UBASH3B: variants seen among roughly 807,000 people sequenced by gnomAD.
UBASH3B encodes ubiquitin-associated and SH3 domain-containing protein B.
Under a neutral mutation model 83.4 loss-of-function variants are expected in UBASH3B, and 37 were observed. That is an observed-to-expected ratio of 0.44 (90% CI 0.34 to 0.58). The LOEUF (loss-of-function observed/expected upper bound fraction) is 0.58. UBASH3B is among the 20% of genes least tolerant of loss of function. The pLI is 0.01. For missense variants in UBASH3B, 657 were observed against 827.2 expected (o/e 0.79, Z 2.52); for synonymous variants, 304 against 318.3 (o/e 0.96, Z 0.48).
chr11:122,658,572 C>A (rs920246746), intron 1 of UBASH3B, among the ~76,000 whole-genome samples: 41 of 152,240 alleles, frequency 2.7e-4, no homozygotes, highest in African/African-American at 9.6e-4. Flanking sequence ...AGGAAGGTAC[C>A]ACATGCCCAT....
intron 1 of UBASH3B, among the ~76,000 whole-genome samples, chr11:122,715,261 G>A (rs1435754240): frequency 5.3e-5 from 8 of 152,184 alleles, no homozygotes; most frequent in Admixed American, 5.2e-4. Context: ...AATGTTAAAT[G>A]CTGACACAGT....
intron 1 of UBASH3B, among the ~76,000 whole-genome samples, chr11:122,761,270 C>A (rs1022208632): frequency 1.7e-4 from 26 of 152,088 alleles, no homozygotes; most frequent in African/African-American, 6.0e-4. Context: ...TGTGTTTACT[C>A]ACATATTCTT....
At chr11:122,673,070 C>T (rs981258161) in intron 1 of UBASH3B, among the ~76,000 whole-genome samples, 62 of 152,206 alleles carry the variant, frequency 4.1e-4, no homozygotes, top group Non-Finnish European at 8.1e-4. Context: ...GTTGGGCAAG[C>T]GTTCACTGGC....
chr11:122,743,981 A>C (rs1239873211), intron 1 of UBASH3B, among the ~76,000 whole-genome samples: 3 of 152,286 alleles, frequency 2.0e-5, no homozygotes, highest in African/African-American at 7.2e-5. Flanking sequence ...TACCTTTCCC[A>C]CCAGAGCTGG....
At chr11:122,687,785 C>G (rs1034537074) in intron 1 of UBASH3B, among the ~76,000 whole-genome samples, 2 of 152,110 alleles carry the variant, frequency 1.3e-5, no homozygotes, top group Non-Finnish European at 2.9e-5. Context: ...TCTCCATGAT[C>G]ATCTTCTTCC....
At chr11:122,734,150 T>C (rs972534846) in intron 1 of UBASH3B, among the ~76,000 whole-genome samples, 1 of 152,214 alleles carries the variant, frequency 6.6e-6, no homozygotes, top group African/African-American at 2.4e-5. Context: ...GCCTCCAAAG[T>C]GCTGGGATTA....
intron 1 of UBASH3B, among the ~76,000 whole-genome samples, chr11:122,699,531 C>CTCTTTCTTTCTT (rs60346108): frequency 0.042 from 4,548 of 107,640 alleles, 110 homozygotes; most frequent in African/African-American, 0.064. Flanking sequence ...TTCTTTCTTT[C>CTCTTTCTTTCTT]TCTTTCTTTC....
At chr11:122,770,307 G>T (rs1251458324) in intron 1 of UBASH3B, among the ~76,000 whole-genome samples, 3 of 152,280 alleles carry the variant, frequency 2.0e-5, no homozygotes, top group Non-Finnish European at 4.4e-5. Context: ...CCTACATCTT[G>T]TCTCTTGCTT....
intron 1 of UBASH3B, among the ~76,000 whole-genome samples, chr11:122,767,616 T>C (rs1860573524): frequency 1.3e-5 from 2 of 152,130 alleles, no homozygotes; most frequent in South Asian, 4.1e-4. Flanking sequence ...CGGCCCCTTA[T>C]GCTCTTTTTG....
At chr11:122,709,952 T>C (rs570313724) in intron 1 of UBASH3B, among the ~76,000 whole-genome samples, 1 of 151,422 alleles carries the variant, frequency 6.6e-6, no homozygotes, top group Non-Finnish European at 1.5e-5. Context: ...AGGCCAGGAG[T>C]TCGAGACCGC....
intron 4 of UBASH3B, among the ~76,000 whole-genome samples, chr11:122,780,252 G>A (rs1860826478): frequency 1.3e-5 from 2 of 152,192 alleles, no homozygotes; most frequent in Non-Finnish European, 2.9e-5. Flanking sequence ...GTCTAAAAAT[G>A]TAACCCCTTC....
At chr11:122,674,243 GC>G (rs1863636839) in intron 1 of UBASH3B, among the ~76,000 whole-genome samples, 1 of 152,180 alleles carries the variant, frequency 6.6e-6, no homozygotes, top group Admixed American at 6.5e-5. Context: ...TCGAGTTGGG[GC>G]CCCTCGTTCC....
chr11:122,699,531 C>CCCTTTCTTTCTTTCTT (rs1555137139), intron 1 of UBASH3B, among the ~76,000 whole-genome samples: 2 of 107,866 alleles, frequency 1.9e-5, no homozygotes, highest in East Asian at 3.1e-4. Flanking sequence ...TTCTTTCTTT[C>CCCTTTCTTTCTTTCTT]TCTTTCTTTC....
chr11:122,772,221 G>A (rs555595531), intron 1 of UBASH3B, among the ~76,000 whole-genome samples: 28 of 152,186 alleles, frequency 1.8e-4, no homozygotes, highest in Non-Finnish European at 3.1e-4. Context: ...TGGGCCCACC[G>A]TGAGCTCTCT....
At chr11:122,672,745 G>A (rs1378301562) in intron 1 of UBASH3B, among the ~76,000 whole-genome samples, 2 of 152,166 alleles carry the variant, frequency 1.3e-5, no homozygotes, top group Admixed American at 6.5e-5. Flanking sequence ...CCTCCTCAGC[G>A]AGAGTTTTCT....
At chr11:122,705,937 T>C (rs916890454) in intron 1 of UBASH3B, among the ~76,000 whole-genome samples, 7 of 152,018 alleles carry the variant, frequency 4.6e-5, no homozygotes, top group Admixed American at 3.3e-4. Context: ...ATCACAGGTG[T>C]GGCATCCACT....
chr11:122,751,380 C>A (rs1018518451), intron 1 of UBASH3B, among the ~76,000 whole-genome samples: 1 of 152,186 alleles, frequency 6.6e-6, no homozygotes, highest in Non-Finnish European at 1.5e-5. Flanking sequence ...TGTCACACTC[C>A]TTCTCTGCCC....
chr11:122,734,227 C>A (rs1205730050), intron 1 of UBASH3B, among the ~76,000 whole-genome samples: 1 of 152,142 alleles, frequency 6.6e-6, no homozygotes, highest in Non-Finnish European at 1.5e-5. Context: ...ACTTCAAAAG[C>A]TTTTGGTTTT....
At chr11:122,747,059 G>A (rs930986295) in intron 1 of UBASH3B, among the ~76,000 whole-genome samples, 1 of 152,238 alleles carries the variant, frequency 6.6e-6, no homozygotes, top group Non-Finnish European at 1.5e-5. Context: ...CCTGGCTGAA[G>A]CAGAGGCTGC....
Sources: allele counts gnomAD v4.1 joint callset (sites outside exome capture counted in the v4.1 genomes callset), GRCh38; gene constraint gnomAD v4.1.1; transcripts MANE v1.5; gene names NCBI Gene and HGNC (gene_info 2026-07-23, HGNC 2026-07-21).